The following BAZ2B variants were observed in gnomAD, a reference collection of about 807,000 sequenced individuals.
BAZ2B encodes the protein bromodomain adjacent to zinc finger domain 2B, also known as bromodomain adjacent to zinc finger domain protein 2B.
Under a neutral mutation model 246.0 loss-of-function variants are expected in BAZ2B, and 91 were observed. The observed-to-expected ratio is 0.37, with a 90% CI of 0.31 to 0.44. The LOEUF (loss-of-function observed/expected upper bound fraction) is 0.44. Ranked by LOEUF, BAZ2B falls within the 20% of genes least tolerant of loss-of-function variation. BAZ2B has a pLI of 1.00. For missense variants in BAZ2B, 2,332 were observed against 2,533.7 expected (o/e 0.92, Z 1.71); for synonymous variants, 855 against 860.0 (o/e 0.99, Z 0.10).
chr2:159,439,966 G>C (rs2073083070), intron 6 of BAZ2B, among the ~76,000 whole-genome samples: 1 of 152,118 alleles, frequency 6.6e-6, no homozygotes, highest in South Asian at 2.1e-4. Flanking sequence ...GTGGTTATTA[G>C]GTCACATAAA....
chr2:159,530,915 A>G (rs1039987466), intron 2 of BAZ2B, among the ~76,000 whole-genome samples: 2 of 152,218 alleles, frequency 1.3e-5, no homozygotes, highest in African/African-American at 4.8e-5. Context: ...GGCTGCAGTG[A>G]GCCAAGAATG....
chr2:159,359,152 A>G (rs1191278881), intron 27 of BAZ2B, among the ~76,000 whole-genome samples: 1 of 152,222 alleles, frequency 6.6e-6, no homozygotes, highest in East Asian at 1.9e-4. Flanking sequence ...CCTTCAAAAA[A>G]TCAATGAATC....
At position 159,431,744 on chromosome 2, in the gene BAZ2B, C is replaced by T. The variant is rs940843003; in HGVS notation, c.1901-588G>A. ...CAATAATTTAAGTTTGTTCTAGCTA[C>T]GTAGTTCTATGTATGATGCATCCAT... On this transcript the variant is annotated intron_variant, in intron 9 of 36. Transcript: ENST00000392783. Among the ~76,000 whole-genome samples the T allele has an allele frequency of 5.3e-5, 8 of 152,092 alleles. No homozygotes were observed. The East Asian group carries it at 5.8e-4, about 11-fold the overall frequency.
chr2:159,692,156 A>T, the BAZ2B span, among the ~76,000 whole-genome samples: 4 of 150,196 alleles, frequency 2.7e-5, no homozygotes, highest in East Asian at 5.8e-4. Flanking sequence ...CTTTTTCTTA[A>T]TTTTTTTTTT....
chr2:159,385,784 G>T lies in BAZ2B; in HGVS notation c.3472-415C>A, dbSNP rs1343345468. Among the ~76,000 whole-genome samples, 3 of 152,146 alleles carry T rather than the reference G, an allele frequency of 2.0e-5. No homozygotes were observed. In the East Asian group the frequency reaches 5.8e-4, roughly 29 times the overall value. On this transcript the variant is annotated intron_variant, in intron 22 of 36. Transcript: ENST00000392783. ...AAAGTGTTATAGGTTTTACTGGCTGGGGATAATAAATAGGGAAACACTGAG... is the reference window on the plus strand; with the variant it reads ...AAAGTGTTATAGGTTTTACTGGCTGTGGATAATAAATAGGGAAACACTGAG...
In BAZ2B at chr2:159,548,103, A is replaced by G. The variant is rs551185066; in HGVS notation, c.-3+7720T>C. Among the ~76,000 whole-genome samples the G allele has an allele frequency of 2.6e-5, 4 of 152,308 alleles. No homozygotes were observed. In the South Asian group the frequency reaches 8.3e-4, roughly 32 times the overall value. ...ATGGGAAATAGATTTACATGAAGTA[A>G]CTGAAATGGCTGCTACATACTAATT... On this transcript the variant is annotated intron_variant, in intron 2 of 36. Coordinates refer to ENST00000392783, the MANE Select transcript of BAZ2B (RefSeq NM_013450.4).
At chr2:159,413,662 C>T (rs546522064) in intron 13 of BAZ2B, among the ~76,000 whole-genome samples, 55 of 152,138 alleles carry the variant, frequency 3.6e-4, no homozygotes, top group Non-Finnish European at 7.2e-4. Flanking sequence ...AAGCCGAGAT[C>T]GCACCATTGC....
At chr2:159,623,314 G>A in the BAZ2B span, among the ~76,000 whole-genome samples, 1 of 151,782 alleles carries the variant, frequency 6.6e-6, no homozygotes, top group Non-Finnish European at 1.5e-5. Flanking sequence ...AAGTTGTAAT[G>A]CACTATAACT....
chr2:159,336,770 G>C (rs1354253899), intron 33 of BAZ2B, among the ~76,000 whole-genome samples, 172 bp downstream of exon 33: 1 of 152,076 alleles, frequency 6.6e-6, no homozygotes, highest in Non-Finnish European at 1.5e-5. Context: ...ACATTTGAAA[G>C]GTTCCTTCAG....
At chr2:159,593,034 T>TG (rs758188114) in intron 1 of BAZ2B, among the ~76,000 whole-genome samples, 6 of 152,200 alleles carry the variant, frequency 3.9e-5, no homozygotes, top group Non-Finnish European at 8.8e-5. Context: ...TGATGCAGTT[T>TG]GGCCAAAACT....
chr2:159,570,086 G>A (rs1683587486), intron 1 of BAZ2B, among the ~76,000 whole-genome samples: 2 of 151,870 alleles, frequency 1.3e-5, no homozygotes, highest in South Asian at 4.2e-4. Flanking sequence ...GGAGAATAAA[G>A]ATTCTTATCT....
intron 16 of BAZ2B, among the ~76,000 whole-genome samples, chr2:159,402,012 T>G (rs1054204578): frequency 6.6e-6 from 1 of 152,176 alleles, no homozygotes; most frequent in Admixed American, 6.5e-5. Flanking sequence ...TACACTGATG[T>G]TATTGATTCC....
chr2:159,322,127 TA>T (rs1156678184), intron 36 of BAZ2B: 1 of 152,202 alleles, frequency 6.6e-6, no homozygotes, highest in Non-Finnish European at 1.5e-5. Context: ...TTTGGTGAAA[TA>T]TCTTGTATGA....
chr2:159,385,863 C>CA (rs1382113764), intron 22 of BAZ2B, among the ~76,000 whole-genome samples: 1 of 152,116 alleles, frequency 6.6e-6, no homozygotes, highest in Admixed American at 6.6e-5. Flanking sequence ...ACAATATTAT[C>CA]TAGAGCAAAG....
At chr2:159,573,777 T>TA (rs1472647826) in intron 1 of BAZ2B, among the ~76,000 whole-genome samples, 1 of 152,090 alleles carries the variant, frequency 6.6e-6, no homozygotes, top group African/African-American at 2.4e-5. Flanking sequence ...AATATATTTT[T>TA]AAAAAACACT....
the BAZ2B span, among the ~76,000 whole-genome samples, chr2:159,697,392 A>G: frequency 9.2e-5 from 14 of 152,204 alleles, no homozygotes; most frequent in African/African-American, 3.1e-4. Context: ...CTACCATAAC[A>G]AACAATTCAT....
At chr2:159,537,684 A>C (rs2086179790) in intron 2 of BAZ2B, among the ~76,000 whole-genome samples, 1 of 152,206 alleles carries the variant, frequency 6.6e-6, no homozygotes, top group African/African-American at 2.4e-5. Context: ...CTGTCATCTG[A>C]TAATTCAGTT....
At chr2:159,603,741 C>G (rs537213345) in intron 1 of BAZ2B, among the ~76,000 whole-genome samples, 2 of 152,014 alleles carry the variant, frequency 1.3e-5, no homozygotes, top group African/African-American at 4.8e-5. Flanking sequence ...CCAAACCACT[C>G]CACTGAAACT....
intron 1 of BAZ2B, among the ~76,000 whole-genome samples, chr2:159,611,584 T>C (rs572291444): frequency 6.6e-6 from 1 of 152,092 alleles, no homozygotes; most frequent in East Asian, 1.9e-4. Flanking sequence ...GTTAAAAATT[T>C]ATATTGTAGA....
Sources: gnomAD v4.1 joint callset for allele counts (sites outside exome capture counted in the v4.1 genomes callset) on GRCh38, gnomAD v4.1.1 for gene constraint, MANE v1.5 for transcripts, NCBI Gene and HGNC (gene_info 2026-07-23, HGNC 2026-07-21) for gene names.